The following ZC3H18 variants were observed in gnomAD, a reference collection of about 807,000 sequenced individuals.
The protein encoded by ZC3H18 is zinc finger CCCH-type containing 18, also known as zinc finger CCCH domain-containing protein 18.
Under a neutral mutation model 106.1 loss-of-function variants are expected in ZC3H18, and 8 were observed. The ratio of observed to expected loss-of-function variants is 0.08; its 90% CI spans 0.04 to 0.14. The LOEUF is 0.14. Ranked by LOEUF, ZC3H18 falls within the 10% of genes least tolerant of loss-of-function variation. ZC3H18 has a pLI of 1.00. For synonymous variants in ZC3H18, 635 were observed against 522.1 expected (o/e 1.22, Z -2.95); for missense variants, 1,318 against 1,278.4 (o/e 1.03, Z -0.47).
chr16:88,578,067 G>A (rs147702253), intron 2 of ZC3H18, among the ~76,000 whole-genome samples: 70 of 152,292 alleles, frequency 4.6e-4, no homozygotes, highest in African/African-American at 1.4e-3. Flanking sequence ...TGTCTTTGCC[G>A]TCTTCAAGTG....
intron 6 of ZC3H18, among the ~76,000 whole-genome samples, chr16:88,606,888 G>A (rs1317045075): frequency 6.6e-6 from 1 of 152,144 alleles, no homozygotes; most frequent in East Asian, 1.9e-4. Flanking sequence ...CCCATCGCTG[G>A]AGCCACCTCA....
Position 88,631,357 on chromosome 16 carries a change from G to C in ZC3H18, c.*58G>C. ...TACATAGGGTAAGCGCAGCCATTTT[G>C]GATTTTGCAGTTAATGTCTTATTTT... On this transcript the variant is annotated 3_prime_UTR_variant, in exon 18 of 18. Coordinates refer to ENST00000301011, the MANE Select transcript of ZC3H18 (RefSeq NM_144604.4). The C allele has an allele frequency of 6.5e-7, 1 of 1,545,074 alleles. No individual in the cohort carries two copies. Among genetic ancestry groups the C allele is most frequent in the Non-Finnish European group, 8.7e-7 (1 of 1,143,002 alleles).
chr16:88,586,697 G>C lies in ZC3H18; in HGVS notation c.688+13G>C, dbSNP rs778175873. On this transcript the variant is annotated intron_variant, in intron 3 of 17. Transcript: ENST00000301011. ...TTCTTCATGAAAGGTAATTGTCTGCGTGTGAGGCCTTCTCGCAGCCAGCTG... is the reference window on the plus strand; with the variant it reads ...TTCTTCATGAAAGGTAATTGTCTGCCTGTGAGGCCTTCTCGCAGCCAGCTG... 49 of 1,612,956 alleles carry C rather than the reference G, an allele frequency of 3.0e-5. No individual in the cohort carries two copies. The highest frequency in any genetic ancestry group is 4.2e-5 in the Non-Finnish European group (49 of 1,179,114).
intron 15 of ZC3H18, 123 bp downstream of exon 15, chr16:88,628,242 C>T (rs991492350): frequency 1.8e-6 from 2 of 1,104,452 alleles, no homozygotes; most frequent in Non-Finnish European, 2.6e-6. Context: ...TTGCAGGTGT[C>T]AGCACAGCCT....
At chr16:88,600,229 T>G (rs1382767114) in intron 6 of ZC3H18, among the ~76,000 whole-genome samples, 2 of 152,212 alleles carry the variant, frequency 1.3e-5, no homozygotes, top group African/African-American at 4.8e-5. Context: ...GCTGCTGTCC[T>G]TGAGGCCTCT....
At chr16:88,573,665 A>G (rs116383333) in intron 1 of ZC3H18, among the ~76,000 whole-genome samples, 1 of 151,932 alleles carries the variant, frequency 6.6e-6, no homozygotes, top group African/African-American at 2.4e-5. Context: ...TCCCACCTCA[A>G]CCACACAAGT....
At chr16:88,612,117 C>T (rs1049287467) in intron 8 of ZC3H18, among the ~76,000 whole-genome samples, 1 of 152,194 alleles carries the variant, frequency 6.6e-6, no homozygotes, top group African/African-American at 2.4e-5. Flanking sequence ...AGTCAAGACC[C>T]ATGAGACAGG....
intron 8 of ZC3H18, among the ~76,000 whole-genome samples, chr16:88,613,563 G>T (rs983928437): frequency 1.3e-5 from 2 of 152,104 alleles, no homozygotes; most frequent in African/African-American, 2.4e-5. Flanking sequence ...TCTCCCTGCC[G>T]TTGCGATTTG....
intron 13 of ZC3H18, chr16:88,626,711 T>C (rs1012401226): frequency 2.0e-5 from 3 of 146,362 alleles, no homozygotes; most frequent in African/African-American, 7.6e-5. Flanking sequence ...AAAAAAAAAA[T>C]GGTTCTCTTA....
intron 8 of ZC3H18, among the ~76,000 whole-genome samples, chr16:88,614,850 G>A (rs1036263601): frequency 1.3e-5 from 2 of 152,184 alleles, no homozygotes; most frequent in African/African-American, 4.8e-5. Context: ...CTTCTCCCCT[G>A]AGACCCCACT....
At chr16:88,604,939 C>T (rs74033317) in intron 6 of ZC3H18, among the ~76,000 whole-genome samples, 1 of 152,118 alleles carries the variant, frequency 6.6e-6, no homozygotes, top group Non-Finnish European at 1.5e-5. Flanking sequence ...CCATACGCCC[C>T]CAGCACAGAG....
At chr16:88,626,451 T>C (rs987482306) in intron 13 of ZC3H18, 1 of 152,260 alleles carries the variant, frequency 6.6e-6, no homozygotes, top group Non-Finnish European at 1.5e-5. Flanking sequence ...TTAGATTCCT[T>C]GCATAGAACT....
At chr16:88,610,910 G>C (rs867888967) in intron 7 of ZC3H18, among the ~76,000 whole-genome samples, 2 of 152,232 alleles carry the variant, frequency 1.3e-5, no homozygotes, top group African/African-American at 2.4e-5. Context: ...CAGAATTGCT[G>C]CCCTGAGTTA....
intron 8 of ZC3H18, among the ~76,000 whole-genome samples, chr16:88,620,244 A>G (rs1905875309): frequency 6.6e-6 from 1 of 152,262 alleles, no homozygotes; most frequent in African/African-American, 2.4e-5. Context: ...AGCAAGACGT[A>G]GGGCAGAGAA....
At chr16:88,582,422 C>T (rs1043944459) in intron 2 of ZC3H18, among the ~76,000 whole-genome samples, 2 of 151,932 alleles carry the variant, frequency 1.3e-5, no homozygotes, top group African/African-American at 2.4e-5. Flanking sequence ...ATGGGTTTCA[C>T]CATCTTGGCC....
chr16:88,629,584 G>A (rs1192231973), intron 16 of ZC3H18, among the ~76,000 whole-genome samples: 3 of 152,314 alleles, frequency 2.0e-5, no homozygotes, highest in African/African-American at 4.8e-5. Context: ...GACGGAAGAC[G>A]GCTGGACCCA....
chr16:88,625,439 A>G, intron 13 of ZC3H18, 172 bp downstream of exon 13: 3 of 748,214 alleles, frequency 4.0e-6, no homozygotes, highest in Non-Finnish European at 2.2e-6. Context: ...ACAGGAGAAA[A>G]TGGGCCAGGA....
intron 16 of ZC3H18, among the ~76,000 whole-genome samples, chr16:88,629,398 C>CCCAG (rs568400400): frequency 6.6e-6 from 1 of 152,332 alleles, no homozygotes; most frequent in South Asian, 2.1e-4. Context: ...ATCGCTTGAA[C>CCCAG]CTGGGAGGCA....
At chr16:88,589,100 A>G (rs1472531477) in intron 3 of ZC3H18, among the ~76,000 whole-genome samples, 1 of 152,216 alleles carries the variant, frequency 6.6e-6, no homozygotes, top group Non-Finnish European at 1.5e-5. Flanking sequence ...CCTGCAGTTT[A>G]TATGAAATTG....
Sources: gnomAD v4.1 joint callset for allele counts (sites outside exome capture counted in the v4.1 genomes callset) on GRCh38, gnomAD v4.1.1 for gene constraint, MANE v1.5 for transcripts, NCBI Gene and HGNC (gene_info 2026-07-23, HGNC 2026-07-21) for gene names.